Variants in KDM2B observed in about 807,000 individuals in gnomAD.
KDM2B encodes the protein lysine-specific demethylase 2B.
Under a neutral mutation model 150.0 loss-of-function variants are expected in KDM2B, and 26 were observed. The ratio of observed to expected loss-of-function variants is 0.17; its 90% CI spans 0.13 to 0.24. KDM2B has a LOEUF of 0.24. Among genes scored for constraint, KDM2B ranks in the 10% least tolerant of loss-of-function variants. KDM2B has a pLI of 1.00. For synonymous variants in KDM2B, 734 were observed against 729.5 expected, an observed-to-expected ratio of 1.01 and a Z score of -0.10; for missense variants, 1,265 against 1,816.9, an observed-to-expected ratio of 0.70 and a Z score of 5.52.
At chr12:121,528,322 G>A (rs1887327937) in intron 8 of KDM2B, among the ~76,000 whole-genome samples, 1 of 152,198 alleles carries the variant, frequency 6.6e-6, no homozygotes, top group South Asian at 2.1e-4. Context: ...ACTTTGGGAG[G>A]CTGAGGCAGC....
In KDM2B at chr12:121,549,335, C is replaced by A; in HGVS notation, c.576+125G>T. 2.4e-6 allele frequency: 2 copies of A among 847,712 alleles called. No individual in the cohort carries two copies. Among genetic ancestry groups the A allele is most frequent in the Non-Finnish European group, 3.7e-6 (2 of 547,914 alleles). The allele number at this position is 847,712 out of a possible 1,614,324, so 52.5% of individuals were successfully genotyped here. On this transcript the variant is annotated intron_variant, in intron 5 of 22. Coordinates refer to ENST00000377071, the MANE Select transcript of KDM2B (RefSeq NM_032590.5). The surrounding 1 kb of genome is among the most constrained non-coding windows in gnomAD (Gnocchi z 4.4). Reference sequence around the variant, plus strand: ...GTTACCAACCTTAGTCACCCCTATGCCTGCCAAGCCCAGCCAGCCACACCC... The same window carrying A: ...GTTACCAACCTTAGTCACCCCTATGACTGCCAAGCCCAGCCAGCCACACCC...
At chr12:121,507,762 GCA>G (rs2140825189) in intron 11 of KDM2B, among the ~76,000 whole-genome samples, 1 of 152,276 alleles carries the variant, frequency 6.6e-6, no homozygotes, top group Admixed American at 6.5e-5. Context: ...TGTAATCCCA[GCA>G]CCTTGGGAAG....
chr12:121,441,238 G>C lies in KDM2B; in HGVS notation c.3285-5C>G. The C allele has an allele frequency of 6.2e-7, 1 of 1,613,296 alleles. No homozygotes were observed. On this transcript the variant is annotated splice_polypyrimidine_tract_variant and splice_region_variant and intron_variant, in intron 19 of 22. Coordinates refer to ENST00000377071, the MANE Select transcript of KDM2B (RefSeq NM_032590.5). ...CACAACCGCTTATCGCAGCACCTGG[G>C]GACCGGCCCCGTGGGGACACATCGT...
intron 12 of KDM2B, among the ~76,000 whole-genome samples, chr12:121,487,230 C>T (rs1446654245): frequency 6.6e-6 from 1 of 152,172 alleles, no homozygotes; most frequent in Non-Finnish European, 1.5e-5. Flanking sequence ...ATTTTTCTCT[C>T]AACGGGATTT....
chr12:121,507,434 C>T (rs1465634063), intron 11 of KDM2B, among the ~76,000 whole-genome samples: 1 of 152,236 alleles, frequency 6.6e-6, no homozygotes, highest in African/African-American at 2.4e-5. Flanking sequence ...ACACACCCAA[C>T]AGCACCAAGT....
intron 4 of KDM2B, among the ~76,000 whole-genome samples, chr12:121,551,581 C>T (rs1222332869): frequency 6.6e-6 from 1 of 152,118 alleles, no homozygotes; most frequent in African/African-American, 2.4e-5. Context: ...GAGACAAAGT[C>T]TCGCTCTGTC....
chr12:121,423,754 G>C, the KDM2B span: 1 of 598,408 alleles, frequency 1.7e-6, no homozygotes, highest in African/African-American at 1.9e-5. The surrounding 1 kb of genome is among the most constrained non-coding windows in gnomAD (Gnocchi z 4.3). Flanking sequence ...CATGCCGTGA[G>C]CCTGTCTGCC....
chr12:121,444,062 T>A lies in KDM2B; in HGVS notation c.2401A>T (p.Arg801Trp), dbSNP rs782093229. ...GGCTTCTCGTATTTCCGCTTCTTCC[T>A]CAGGTGCACGTCGTCAGACTTTCTG... The part of the protein sequence containing the change: ...LRRKSDDVHL[R>W]KKRKYEKPQE... Residue 801 changes from arginine (R) to tryptophan (W), a missense_variant, in exon 16 of 23, where the codon AGG becomes TGG. Arg to Trp is a moderately radical substitution (Grantham distance 101). Coordinates refer to ENST00000377071, the MANE Select transcript of KDM2B (RefSeq NM_032590.5). The A allele has an allele frequency of 1.2e-6, 2 of 1,613,764 alleles. No homozygotes were observed. The highest frequency in any genetic ancestry group is 1.7e-6 in the Non-Finnish European group (2 of 1,179,928).
chr12:121,519,024 G>A (rs1886464604), intron 9 of KDM2B, among the ~76,000 whole-genome samples: 1 of 152,160 alleles, frequency 6.6e-6, no homozygotes, highest in Admixed American at 6.5e-5. Flanking sequence ...ACAGAGAGGT[G>A]AGGGGAAAAA....
intron 12 of KDM2B, among the ~76,000 whole-genome samples, chr12:121,479,326 G>C (rs1224389108): frequency 4.0e-5 from 6 of 151,474 alleles, no homozygotes; most frequent in African/African-American, 1.5e-4. Flanking sequence ...AATTAGCCAG[G>C]CATGGTGGCG....
downstream of KDM2B, among the ~76,000 whole-genome samples, chr12:121,425,461 C>G (rs966037047): frequency 1.3e-5 from 2 of 152,178 alleles, no homozygotes; most frequent in Non-Finnish European, 2.9e-5. Flanking sequence ...AGTCTGTTAT[C>G]TCCTGACTGT....
intron 10 of KDM2B, among the ~76,000 whole-genome samples, chr12:121,512,190 C>A (rs1350316323): frequency 1.3e-5 from 2 of 152,122 alleles, no homozygotes; most frequent in Non-Finnish European, 2.9e-5. Flanking sequence ...TCCCTTCTCT[C>A]CTACCAGGCT....
chr12:121,578,258 G>C (rs537400199), intron 2 of KDM2B, among the ~76,000 whole-genome samples: 3 of 152,298 alleles, frequency 2.0e-5, no homozygotes, highest in African/African-American at 7.2e-5. Context: ...AGAGCCCATG[G>C]GGGAATGCGG....
At chr12:121,451,698 G>C (rs914675670) in intron 13 of KDM2B, among the ~76,000 whole-genome samples, 2 of 152,106 alleles carry the variant, frequency 1.3e-5, no homozygotes, top group Non-Finnish European at 2.9e-5. Context: ...GATCACTTGA[G>C]GTCAGGAGTT....
chr12:121,543,767 G>A (rs568388004), intron 6 of KDM2B, among the ~76,000 whole-genome samples: 15 of 152,140 alleles, frequency 9.9e-5, no homozygotes, highest in South Asian at 4.2e-4. Flanking sequence ...GCAGTGAGTC[G>A]AGATCATGCC....
chr12:121,548,714 T>C (rs895298305), intron 6 of KDM2B, among the ~76,000 whole-genome samples, 163 bp downstream of exon 6: 1 of 152,210 alleles, frequency 6.6e-6, no homozygotes, highest in Non-Finnish European at 1.5e-5. Context: ...CCGTCCCTCC[T>C]GTCCCAGCTG....
the KDM2B span, chr12:121,420,471 A>G: frequency 6.4e-7 from 1 of 1,565,900 alleles, no homozygotes; most frequent in Non-Finnish European, 8.7e-7. Context: ...AAACACTTCT[A>G]GGACTGCTGA....
intron 12 of KDM2B, among the ~76,000 whole-genome samples, chr12:121,465,325 C>T (rs1303588414): frequency 6.6e-6 from 1 of 152,178 alleles, no homozygotes; most frequent in East Asian, 1.9e-4. Context: ...CCTCCGCCTC[C>T]TGGGTTCAAG....
intron 11 of KDM2B, among the ~76,000 whole-genome samples, chr12:121,502,934 A>C (rs1459713859): frequency 6.6e-6 from 1 of 151,344 alleles, no homozygotes; most frequent in Non-Finnish European, 1.5e-5. Context: ...CTTGGTAAAA[A>C]AAATAAAATT....
Sources: allele counts gnomAD v4.1 joint callset (sites outside exome capture counted in the v4.1 genomes callset), GRCh38; gene constraint gnomAD v4.1.1; non-coding constraint Gnocchi (gnomAD v3.1); transcripts MANE v1.5; gene names NCBI Gene and HGNC (gene_info 2026-07-23, HGNC 2026-07-21).